MDGA2: variants seen among roughly 807,000 people sequenced by gnomAD.
The protein encoded by MDGA2 is MAM domain containing glycosylphosphatidylinositol anchor 2.
A neutral mutation model predicts 117.8 loss-of-function variants in MDGA2; 40 were observed. The ratio of observed to expected loss-of-function variants is 0.34; its 90% CI spans 0.26 to 0.44. MDGA2 has a LOEUF of 0.44. Among genes scored for constraint, MDGA2 ranks in the 20% least tolerant of loss-of-function variants. The pLI is 1.00. For missense variants in MDGA2, 1,123 were observed against 1,250.6 expected, an observed-to-expected ratio of 0.90 and a Z score of 1.54; for synonymous variants, 452 against 439.0, an observed-to-expected ratio of 1.03 and a Z score of -0.37.
At chr14:46,917,432 C>G (rs1330039750) in intron 10 of MDGA2, among the ~76,000 whole-genome samples, 1 of 152,070 alleles carries the variant, frequency 6.6e-6, no homozygotes, top group Non-Finnish European at 1.5e-5. Flanking sequence ...ATTCCAATTG[C>G]CTGACAGGTA....
intron 14 of MDGA2, chr14:46,870,839 A>G (rs1881965181): frequency 6.6e-6 from 1 of 152,056 alleles, no homozygotes; most frequent in African/African-American, 2.4e-5. Flanking sequence ...ATGTATTAAA[A>G]GTATTTTTAA....
chr14:47,174,068 T>C (rs1029045249), intron 3 of MDGA2, among the ~76,000 whole-genome samples: 1 of 152,128 alleles, frequency 6.6e-6, no homozygotes, highest in East Asian at 1.9e-4. Flanking sequence ...TACATAATGG[T>C]AAAGGGATCG....
chr14:47,113,851 C>G (rs774291974), intron 5 of MDGA2, among the ~76,000 whole-genome samples: 14 of 152,108 alleles, frequency 9.2e-5, no homozygotes, highest in African/African-American at 3.4e-4. Flanking sequence ...CAGCACAAGA[C>G]AAGAATGCCA....
At chr14:47,036,453 C>T (rs1273282546) in intron 7 of MDGA2, among the ~76,000 whole-genome samples, 2 of 152,042 alleles carry the variant, frequency 1.3e-5, no homozygotes, top group African/African-American at 2.4e-5. Context: ...TACTATACAA[C>T]GATCTTTCTT....
chr14:47,158,949 C>T (rs1426384658), intron 3 of MDGA2, among the ~76,000 whole-genome samples: 1 of 152,118 alleles, frequency 6.6e-6, no homozygotes, highest in Non-Finnish European at 1.5e-5. Context: ...TCTGTAAAGG[C>T]AACATGATAT....
At chr14:47,328,126 T>G (rs919553824) in intron 1 of MDGA2, among the ~76,000 whole-genome samples, 1 of 152,176 alleles carries the variant, frequency 6.6e-6, no homozygotes, top group Non-Finnish European at 1.5e-5. Context: ...AGCTTCTTCA[T>G]GATCAAAAGA....
chr14:46,880,803 CAAAAAAAAAAA>C (rs568224124), intron 11 of MDGA2, among the ~76,000 whole-genome samples: 719 of 54,114 alleles, frequency 0.013, 19 homozygotes, highest in African/African-American at 0.044. Context: ...ATCCCGTCTC[CAAAAAAAAAAA>C]AAAAAAAAAA....
chr14:46,963,000 CAAGTT>C (rs1341422863), intron 8 of MDGA2, among the ~76,000 whole-genome samples: 5 of 152,066 alleles, frequency 3.3e-5, no homozygotes, highest in Non-Finnish European at 5.9e-5. Context: ...TATCAAAAAA[CAAGTT>C]AAGACTGAAG....
intron 5 of MDGA2, among the ~76,000 whole-genome samples, chr14:47,115,074 C>A (rs1167153703): frequency 6.6e-6 from 1 of 151,736 alleles, no homozygotes; most frequent in African/African-American, 2.4e-5. Context: ...CAAAAGTGAT[C>A]AACATTCTGC....
chr14:47,449,025 G>C (rs1893185368), intron 1 of MDGA2, among the ~76,000 whole-genome samples: 1 of 152,148 alleles, frequency 6.6e-6, no homozygotes, highest in Non-Finnish European at 1.5e-5. Context: ...TAGGTGAAAA[G>C]AAAGCATTTC....
chr14:47,478,529 C>G (rs959208036), intron 1 of MDGA2, among the ~76,000 whole-genome samples: 2 of 152,058 alleles, frequency 1.3e-5, no homozygotes, highest in African/African-American at 4.8e-5. Flanking sequence ...TGCCCGATAC[C>G]ATGACTGGCT....
chr14:47,585,045 G>T (rs1278213829), intron 1 of MDGA2, among the ~76,000 whole-genome samples: 2 of 151,824 alleles, frequency 1.3e-5, no homozygotes, highest in Admixed American at 6.6e-5. Context: ...AACTTAAGTT[G>T]TAATGCCCAG....
Position 46,977,118 on chromosome 14 carries a change from AT to A in MDGA2, c.1820-19476del, listed in dbSNP as rs377129126. ...ATTTACAGTTATGCTTCATAAAAAA[AT>A]ATACCATATTAGAGTACACATGACT... On this transcript the variant is annotated intron_variant, in intron 8 of 16. Coordinates refer to ENST00000399232, the MANE Select transcript of MDGA2 (RefSeq NM_001113498.3). 2.3e-4 allele frequency among the ~76,000 whole-genome samples: 35 copies of A among 152,064 alleles called. No individual in the cohort carries two copies. The East Asian group carries it at 4.6e-3, about 20-fold the overall frequency.
rs1888279597 is a variant in MDGA2 at position 47,275,420 on chromosome 14, AAAG to A, written c.420+25988_420+25990del. Among the ~76,000 whole-genome samples, 3 of 152,296 alleles carry A rather than the reference AAAG, an allele frequency of 2.0e-5. No individual in the cohort carries two copies. The South Asian group carries it at 6.2e-4, about 32-fold the overall frequency. ...CTCAGTTGAAAGAGTATATGTGCTGAAAGAAGGCCAATGTAATATAAACATTTA... is the reference window on the plus strand; with the variant it reads ...CTCAGTTGAAAGAGTATATGTGCTGAAAGGCCAATGTAATATAAACATTTA... On this transcript the variant is annotated intron_variant, in intron 2 of 16. Coordinates refer to ENST00000399232, the MANE Select transcript of MDGA2 (RefSeq NM_001113498.3).
At position 46,965,844 on chromosome 14, in the gene MDGA2, T is replaced by C. The variant is rs1886007787; in HGVS notation, c.1820-8201A>G. Reference sequence around the variant, plus strand: ...GCATAAAATTTATTCAGAATGTTTTTATGAAGTATTCAACATGAAGGAAAT... The same window carrying C: ...GCATAAAATTTATTCAGAATGTTTTCATGAAGTATTCAACATGAAGGAAAT... On this transcript the variant is annotated intron_variant, in intron 8 of 16. Transcript: ENST00000399232. Among the ~76,000 whole-genome samples the C allele has an allele frequency of 2.0e-5, 3 of 152,310 alleles. No homozygotes were observed. In the South Asian group the frequency reaches 6.2e-4, roughly 32 times the overall value.
intron 4 of MDGA2, among the ~76,000 whole-genome samples, chr14:47,143,269 G>A (rs574451449): frequency 2.6e-5 from 4 of 152,118 alleles, no homozygotes; most frequent in South Asian, 2.1e-4. Context: ...GAGCCACCAC[G>A]CCTAGCCAAT....
Position 47,099,416 on chromosome 14 carries a change from A to C in MDGA2, c.926-2293T>G, listed in dbSNP as rs541717717. ...ACATAAAAATATTTTTGTCCATTAA[A>C]ATATTTTAAGGAAAATATTTCATAT... On this transcript the variant is annotated intron_variant, in intron 5 of 16. Coordinates refer to ENST00000399232, the MANE Select transcript of MDGA2 (RefSeq NM_001113498.3). Among the ~76,000 whole-genome samples, 5 of 152,112 alleles carry C rather than the reference A, an allele frequency of 3.3e-5. No individual in the cohort carries two copies. In the East Asian group the frequency reaches 9.7e-4, roughly 29 times the overall value.
At chr14:47,077,257 G>A (rs1353274395) in intron 6 of MDGA2, among the ~76,000 whole-genome samples, 1 of 151,882 alleles carries the variant, frequency 6.6e-6, no homozygotes, top group Non-Finnish European at 1.5e-5. Flanking sequence ...GTTGCTTTTC[G>A]TTTTGGTCAT....
Position 47,052,724 on chromosome 14 carries a change from G to A in MDGA2, c.1525+8525C>T, listed in dbSNP as rs145018093. 4.6e-5 allele frequency among the ~76,000 whole-genome samples: 7 copies of A among 151,946 alleles called. No individual in the cohort carries two copies. In the East Asian group the frequency reaches 5.8e-4, roughly 13 times the overall value. On this transcript the variant is annotated intron_variant, in intron 7 of 16. Transcript: ENST00000399232. ...CTCCTTTAAATGGTCTTCTTGAAAA[G>A]AGGATTCATATAATTGTCACCTTCT... is the stretch of plus-strand genomic sequence containing the variant.
Sources: gnomAD v4.1 joint callset for allele counts (sites outside exome capture counted in the v4.1 genomes callset) on GRCh38, gnomAD v4.1.1 for gene constraint, MANE v1.5 for transcripts, NCBI Gene and HGNC (gene_info 2026-07-23, HGNC 2026-07-21) for gene names.